The following OR51B5 variants were observed in gnomAD, a reference collection of about 807,000 sequenced individuals.
OR51B5 encodes olfactory receptor 51B5.
For missense variants in OR51B5, 456 were observed against 374.6 expected, an observed-to-expected ratio of 1.22 and a Z score of -1.79; for synonymous variants, 186 against 144.8, an observed-to-expected ratio of 1.28 and a Z score of -2.04.
At chr11:5,427,183 C>A (rs1564810140) in intron 1 of OR51B5, among the ~76,000 whole-genome samples, 1 of 100,272 alleles carries the variant, frequency 1.0e-5, no homozygotes, top group African/African-American at 2.7e-5. Flanking sequence ...GACCGTCCAA[C>A]CTTTCTTTTG....
intron 1 of OR51B5, among the ~76,000 whole-genome samples, chr11:5,479,870 G>C (rs1444361403): frequency 7.1e-6 from 1 of 140,352 alleles, no homozygotes; most frequent in Non-Finnish European, 1.5e-5. Context: ...AGCAAGTCCT[G>C]AGTGACCTAC....
intron 1 of OR51B5, among the ~76,000 whole-genome samples, chr11:5,433,607 C>T (rs991796229): frequency 6.6e-6 from 1 of 152,288 alleles, no homozygotes; most frequent in African/African-American, 2.4e-5. Flanking sequence ...ATACAAAGAG[C>T]TATGACCTCC....
At chr11:5,484,911 A>G (rs549350007) in intron 1 of OR51B5, among the ~76,000 whole-genome samples, 13 of 152,232 alleles carry the variant, frequency 8.5e-5, no homozygotes, top group African/African-American at 2.2e-4. Context: ...ATGCTCCAAT[A>G]CATGTTATAC....
intron 1 of OR51B5, among the ~76,000 whole-genome samples, chr11:5,359,598 C>A (rs1434773463): frequency 6.9e-6 from 1 of 145,746 alleles, no homozygotes; most frequent in Non-Finnish European, 1.5e-5. Flanking sequence ...AATGCCATCC[C>A]CATCAAGCTA....
At chr11:5,452,962 T>A (rs11037489) in intron 1 of OR51B5, among the ~76,000 whole-genome samples, 38,723 of 152,068 alleles carry the variant, frequency 0.25, 5,613 homozygotes, top group East Asian at 0.43. Flanking sequence ...TCCTTTTCCC[T>A]CTCCATCCAA....
intron 1 of OR51B5, chr11:5,422,330 A>G: frequency 6.2e-7 from 1 of 1,614,096 alleles, no homozygotes; most frequent in Non-Finnish European, 8.5e-7. Context: ...CATCATGGGC[A>G]ATACCACCAT....
chr11:5,401,812 T>TTCTG (rs1849971417), intron 1 of OR51B5, among the ~76,000 whole-genome samples: 2 of 150,056 alleles, frequency 1.3e-5, no homozygotes, highest in Non-Finnish European at 3.0e-5. Context: ...AATCTTTCTT[T>TTCTG]TCTTTCTTTT....
intron 1 of OR51B5, among the ~76,000 whole-genome samples, chr11:5,462,502 G>A (rs537785551): frequency 2.5e-4 from 38 of 152,236 alleles, no homozygotes; most frequent in African/African-American, 8.2e-4. Context: ...CAGACCTGAT[G>A]GGCTCTACTA....
intron 1 of OR51B5, among the ~76,000 whole-genome samples, chr11:5,416,476 G>A (rs1850245240): frequency 1.3e-5 from 2 of 151,876 alleles, no homozygotes; most frequent in South Asian, 2.1e-4. Context: ...AGGAAAAGAG[G>A]AAGTCAAATT....
At chr11:5,453,827 T>A (rs769070676) in intron 1 of OR51B5, 1 of 1,614,204 alleles carries the variant, frequency 6.2e-7, no homozygotes, top group Non-Finnish European at 8.5e-7. Context: ...TGGAATCAGG[T>A]ATTCTGCTGG....
At chr11:5,497,879 T>C (rs539518292) in intron 1 of OR51B5, among the ~76,000 whole-genome samples, 6 of 152,242 alleles carry the variant, frequency 3.9e-5, no homozygotes, top group African/African-American at 1.4e-4. Context: ...TCCAGGAGCA[T>C]AGGTATGACA....
At position 5,489,395 on chromosome 11, in the gene OR51B5, A is replaced by G. The variant is rs762609675; in HGVS notation, n.84+16174T>C. 42 of 1,613,676 alleles carry G rather than the reference A, an allele frequency of 2.6e-5. No individual in the cohort carries two copies. In the African/African-American group the frequency reaches 4.8e-4, roughly 18 times the overall value. On this transcript the variant is annotated intron_variant and non_coding_transcript_variant, in intron 1 of 4. Coordinates refer to the OR51B5 transcript ENST00000415970. ...GGCTTTATCCTCCATGCAGTCTTTC[A>G]TCTTCCATCTCATGATGCCCAGCAC...
At chr11:5,466,450 A>C (rs115839880) in intron 1 of OR51B5, among the ~76,000 whole-genome samples, 1,787 of 152,332 alleles carry the variant, frequency 0.012, 32 homozygotes, top group African/African-American at 0.04. Context: ...AGCCTAAAAA[A>C]TATTGAAGTC....
chr11:5,351,459 T>G (rs1849084623), intron 1 of OR51B5: 1 of 1,442,466 alleles, frequency 6.9e-7, no homozygotes, highest in African/African-American at 1.4e-5. Context: ...TACAACTGAT[T>G]ACTATTGCTT....
chr11:5,420,477 TGATA>T (rs1173034414), intron 1 of OR51B5, among the ~76,000 whole-genome samples: 3 of 152,004 alleles, frequency 2.0e-5, no homozygotes, highest in Non-Finnish European at 2.9e-5. Context: ...GTATTTTTCT[TGATA>T]AATATTGATA....
intron 1 of OR51B5, chr11:5,440,856 T>A: frequency 6.2e-7 from 1 of 1,613,744 alleles, no homozygotes; most frequent in African/African-American, 1.3e-5. Context: ...GATCAATGCG[T>A]AGGAAAGCAG....
intron 1 of OR51B5, among the ~76,000 whole-genome samples, chr11:5,445,068 C>A (rs757344029): frequency 6.6e-5 from 10 of 152,114 alleles, no homozygotes; most frequent in Non-Finnish European, 1.3e-4. Context: ...TATACTCAGG[C>A]AATTGCCCAG....
chr11:5,352,507 C>A, intron 1 of OR51B5: 1 of 1,061,602 alleles, frequency 9.4e-7, no homozygotes, highest in Non-Finnish European at 1.4e-6. Context: ...ACAATGTTGC[C>A]AGCATAAGTA....
chr11:5,344,599 G>C (rs148490061), upstream of OR51B5, among the ~76,000 whole-genome samples: 534 of 152,212 alleles, frequency 3.5e-3, 5 homozygotes, highest in African/African-American at 0.012. Context: ...ACTAGACTAG[G>C]GGCTTCTTGC....
Sources: allele counts gnomAD v4.1 joint callset (sites outside exome capture counted in the v4.1 genomes callset), GRCh38; gene constraint gnomAD v4.1.1; transcripts MANE v1.5; gene names NCBI Gene and HGNC (gene_info 2026-07-23, HGNC 2026-07-21).